PHIP: variants seen among roughly 807,000 people sequenced by gnomAD.
PHIP encodes PH-interacting protein.
In PHIP, 54 loss-of-function variants were observed where a neutral mutation model predicts 236.8. That is an observed-to-expected ratio of 0.23 (90% CI 0.18 to 0.29). The LOEUF (loss-of-function observed/expected upper bound fraction) is 0.29. Among genes scored for constraint, PHIP ranks in the 10% least tolerant of loss-of-function variants. PHIP has a pLI of 1.00. For synonymous variants in PHIP, 756 were observed against 718.9 expected (o/e 1.05, Z -0.83); for missense variants, 1,370 against 2,190.8 (o/e 0.63, Z 7.48).
chr6:79,070,567 G>A (rs1164582269), intron 4 of PHIP, among the ~76,000 whole-genome samples: 1 of 152,146 alleles, frequency 6.6e-6, no homozygotes, highest in Non-Finnish European at 1.5e-5. Flanking sequence ...CAAGTTACAT[G>A]CCTTTTTCTA....
intron 7 of PHIP, among the ~76,000 whole-genome samples, chr6:79,041,404 T>C (rs982119313): frequency 2.0e-5 from 3 of 152,120 alleles, no homozygotes; most frequent in African/African-American, 7.2e-5. Context: ...TGTAAAATGC[T>C]TCATAAAATA....
At chr6:78,994,501 T>C (rs1582188372) in intron 19 of PHIP, among the ~76,000 whole-genome samples, 1 of 152,046 alleles carries the variant, frequency 6.6e-6, no homozygotes, top group African/African-American at 2.4e-5. Context: ...TGCTTGAAAC[T>C]GGGAGGTGGA....
chr6:78,990,736 T>A (rs1769186391), intron 20 of PHIP, 132 bp downstream of exon 20: 4 of 498,924 alleles, frequency 8.0e-6, no homozygotes, highest in East Asian at 3.3e-5. Context: ...AATCCAGAGA[T>A]AACCAAGATT....
chr6:79,031,038 G>A (rs1407928378), intron 7 of PHIP, among the ~76,000 whole-genome samples: 1 of 152,034 alleles, frequency 6.6e-6, no homozygotes, highest in Non-Finnish European at 1.5e-5. Context: ...CCGCAGCCCA[G>A]GTTCAAGAGA....
At chr6:79,035,624 CTACTT>C (rs1299378042) in intron 7 of PHIP, among the ~76,000 whole-genome samples, 1 of 152,136 alleles carries the variant, frequency 6.6e-6, no homozygotes, top group Non-Finnish European at 1.5e-5. Flanking sequence ...TCTCTTGAGG[CTACTT>C]TACAGCTTTT....
At chr6:79,060,201 C>T (rs778531751) in intron 6 of PHIP, among the ~76,000 whole-genome samples, 2 of 151,850 alleles carry the variant, frequency 1.3e-5, no homozygotes, top group African/African-American at 4.8e-5. Flanking sequence ...TCTACTAACT[C>T]GACCTAATAA....
chr6:78,960,914 G>A lies in PHIP; in HGVS notation c.3656+776C>T, dbSNP rs140848633. ...TCTCTATGTTAAAAAGAAGAATAACGGAAAGGACTTCAGTAATAAATAACT... is the reference window on the plus strand; with the variant it reads ...TCTCTATGTTAAAAAGAAGAATAACAGAAAGGACTTCAGTAATAAATAACT... On this transcript the variant is annotated intron_variant, in intron 31 of 39. Coordinates refer to ENST00000275034, the MANE Select transcript of PHIP (RefSeq NM_017934.7). Among the ~76,000 whole-genome samples, 611 of 152,026 alleles carry A rather than the reference G, an allele frequency of 4.0e-3. 5 individuals carry two copies. Among genetic ancestry groups the A allele is most frequent in the African/African-American group, 0.012 (485 of 41,476 alleles).
chr6:78,995,220 T>C (rs1329288963), intron 19 of PHIP, among the ~76,000 whole-genome samples: 1 of 152,230 alleles, frequency 6.6e-6, no homozygotes, highest in Admixed American at 6.5e-5. Context: ...TATTGCACAG[T>C]AGTAGTCCAT....
At chr6:79,001,865 GA>G in intron 17 of PHIP, 33 bp downstream of exon 17, 1 of 1,430,816 alleles carries the variant, frequency 7.0e-7, no homozygotes, top group Non-Finnish European at 9.9e-7. Flanking sequence ...GTGGGAAGAA[GA>G]AAATTTGATT....
At position 78,940,626 on chromosome 6, in the gene PHIP, C is replaced by T; in HGVS notation, c.*67G>A. 1.4e-6 allele frequency: 1 copy of T among 723,676 alleles called. No homozygotes were observed. Among genetic ancestry groups the T allele is most frequent in the African/African-American group, 2.1e-5 (1 of 48,740 alleles). The allele number at this position is 723,676 out of a possible 1,614,324, so 44.8% of individuals were successfully genotyped here. A position where few individuals can be genotyped will look rare whatever the true frequency, so the allele number is the denominator to read the frequency against. On this transcript the variant is annotated 3_prime_UTR_variant, in exon 40 of 40. Transcript: ENST00000275034. ...ACCACAGCAGCAAGGAAGCAGAAGC[C>T]TTAGTTCTACTTATTCCTTAACTGT... is the stretch of plus-strand genomic sequence containing the variant.
chr6:79,016,706 T>A lies in PHIP; in HGVS notation c.1137-64A>T, dbSNP rs546645479. 26 of 930,666 alleles carry A rather than the reference T, an allele frequency of 2.8e-5. No homozygotes were observed. In the East Asian group the frequency reaches 6.0e-4, roughly 22 times the overall value. 57.7% of individuals were successfully genotyped at this position (930,666 alleles called of 1,614,324 possible). ...TACATGCTTTACCAAAATGCACTTT[T>A]CCCAGAGATCTTGTTTAAAAAGACA... On this transcript the variant is annotated intron_variant, in intron 12 of 39. Coordinates refer to ENST00000275034, the MANE Select transcript of PHIP (RefSeq NM_017934.7).
intron 35 of PHIP, among the ~76,000 whole-genome samples, chr6:78,950,348 G>T (rs1405984294): frequency 3.3e-5 from 5 of 152,120 alleles, no homozygotes; most frequent in Admixed American, 3.3e-4. Context: ...GAGATCAGGG[G>T]AACACTGGTC....
At chr6:78,986,125 TTTTA>T (rs1768854179) in intron 21 of PHIP, among the ~76,000 whole-genome samples, 1 of 152,224 alleles carries the variant, frequency 6.6e-6, no homozygotes, top group Non-Finnish European at 1.5e-5. Flanking sequence ...CACATTTATG[TTTTA>T]TTTATTATAG....
chr6:79,028,437 A>G (rs769855998), intron 7 of PHIP, among the ~76,000 whole-genome samples: 1 of 152,208 alleles, frequency 6.6e-6, no homozygotes, highest in Non-Finnish European at 1.5e-5. Context: ...AGACATGGTT[A>G]TAACAGCTGT....
At chr6:78,961,254 T>A (rs1385146589) in intron 31 of PHIP, among the ~76,000 whole-genome samples, 1 of 151,962 alleles carries the variant, frequency 6.6e-6, no homozygotes, top group Non-Finnish European at 1.5e-5. Flanking sequence ...ATAAGCTGAA[T>A]ACAGGCAAAA....
intron 4 of PHIP, among the ~76,000 whole-genome samples, chr6:79,074,852 A>G (rs1774070554): frequency 6.6e-6 from 1 of 152,128 alleles, no homozygotes; most frequent in South Asian, 2.1e-4. Flanking sequence ...ATCAGTGACT[A>G]TTTTTAAATT....
At chr6:79,065,551 C>CTCAGA (rs1562221545) in intron 4 of PHIP, among the ~76,000 whole-genome samples, 1 of 152,124 alleles carries the variant, frequency 6.6e-6, no homozygotes, top group Non-Finnish European at 1.5e-5. Flanking sequence ...TTCCATGTGT[C>CTCAGA]TCAGATCTTC....
rs1178453654 is a variant in PHIP, at chr6:78,960,444, G to T, written c.3656+1246C>A. On this transcript the variant is annotated intron_variant, in intron 31 of 39. Transcript: ENST00000275034. ...AAGGGAGAAAGAGGAATATAGTTAG[G>T]AATTCCTTTTTTTTTTTTTTTTCTC... Among the ~76,000 whole-genome samples the T allele has an allele frequency of 6.7e-6, 1 of 150,314 alleles. No homozygotes were observed. Among genetic ancestry groups the T allele is most frequent in the African/African-American group, 2.4e-5 (1 of 40,896 alleles).
chr6:78,992,966 C>T (rs73464131), intron 19 of PHIP, among the ~76,000 whole-genome samples: 16,157 of 152,210 alleles, frequency 0.11, 889 homozygotes, highest in Middle Eastern at 0.19. Context: ...CCAACAACCA[C>T]GTTTTCAATG....
Sources: allele counts gnomAD v4.1 joint callset (sites outside exome capture counted in the v4.1 genomes callset), GRCh38; gene constraint gnomAD v4.1.1; transcripts MANE v1.5; gene names NCBI Gene and HGNC (gene_info 2026-07-23, HGNC 2026-07-21).